The following SEPTIN3 variants were observed in gnomAD, a reference collection of about 807,000 sequenced individuals.
SEPTIN3 encodes the protein septin 3.
A neutral mutation model predicts 45.1 loss-of-function variants in SEPTIN3; 15 were observed. The observed-to-expected ratio is 0.33, with a 90% CI of 0.22 to 0.51. The LOEUF is 0.51. Ranked by LOEUF, SEPTIN3 falls within the 20% of genes least tolerant of loss-of-function variation. The pLI is 0.97. For missense variants in SEPTIN3, 289 were observed against 457.2 expected (o/e 0.63, Z 3.35); for synonymous variants, 148 against 164.8 (o/e 0.90, Z 0.78).
intron 2 of SEPTIN3, among the ~76,000 whole-genome samples, chr22:41,980,273 G>A (rs1164165366): frequency 2.0e-5 from 3 of 151,778 alleles, no homozygotes; most frequent in African/African-American, 7.3e-5. Context: ...GAGTAGCTAG[G>A]ATTACAGGCG....
At position 41,972,837 on chromosome 22, in the gene SEPTIN3, A is replaced by G; in HGVS notation, c.1345A>G (p.Lys449Glu). 2.5e-6 allele frequency: 1 copy of G among 399,192 alleles called. No individual in the cohort carries two copies. 24.7% of individuals were successfully genotyped at this position (399,192 alleles called of 1,614,324 possible). ...AGTAACCCCAGACCCAGCCACTGGG[A>G]AGACCACACTGGGCAGTGTTAATAA... ...VPVTPDPATG[K>E]TTLGSVNNLT... The change falls in exon 2 of 12, where the codon AAG (lysine) becomes GAG (glutamate). Residue 449 changes from lysine (K) to glutamate (E), a missense_variant. Physicochemically the swap from Lys to Glu is moderately conservative, Grantham distance 56. Coordinates refer to ENST00000644076, the MANE Select transcript of SEPTIN3 (RefSeq NM_001363845.2).
At chr22:41,985,437 T>C (rs2078189953) in intron 3 of SEPTIN3, among the ~76,000 whole-genome samples, 1 of 152,180 alleles carries the variant, frequency 6.6e-6, no homozygotes, top group African/African-American at 2.4e-5. Flanking sequence ...TTCCTGGTCT[T>C]GCATGTATTA....
chr22:41,970,063 C>T (rs989575786), intron 1 of SEPTIN3, among the ~76,000 whole-genome samples: 7 of 151,906 alleles, frequency 4.6e-5, no homozygotes, highest in South Asian at 2.1e-4. Flanking sequence ...CTTCCCTGTC[C>T]GGTGCCCTGC....
chr22:41,990,169 T>A (rs889972847), intron 7 of SEPTIN3, among the ~76,000 whole-genome samples: 11 of 151,630 alleles, frequency 7.3e-5, no homozygotes, highest in Admixed American at 1.3e-4. Flanking sequence ...GCCTCCTGAG[T>A]AGCTAGGACT....
At chr22:41,996,758 G>A (rs992901128) in intron 11 of SEPTIN3, 144 bp from the exon 12 acceptor site, 114 of 1,519,872 alleles carry the variant, frequency 7.5e-5, no homozygotes, top group Non-Finnish European at 9.7e-5. Context: ...CTATGGGCAT[G>A]GGAGGTGGGC....
In SEPTIN3 at chr22:41,981,664, G is replaced by A. The variant is rs190850900; in HGVS notation, c.1524G>A (p.Thr508=). ...CTGCAGGGCTCCCAGAGACCAGGACGGACGCAGCCATGTCAGAGCTGGTGC... is the reference window on the plus strand; with the variant it reads ...CTGCAGGGCTCCCAGAGACCAGGACAGACGCAGCCATGTCAGAGCTGGTGC... The part of the protein sequence containing the change: ...TEYKGLPETR[T]DAAMSELVPE... Residue 508 remains threonine (T), a synonymous_variant, in exon 3 of 12, where the codon ACG becomes ACA. Coordinates refer to ENST00000644076, the MANE Select transcript of SEPTIN3 (RefSeq NM_001363845.2). 8.7e-6 allele frequency: 14 copies of A among 1,613,278 alleles called. No homozygotes were observed. The highest frequency in any genetic ancestry group is 2.2e-5 in the East Asian group (1 of 44,872).
At chr22:41,989,231 C>T (rs533170246) in intron 6 of SEPTIN3, among the ~76,000 whole-genome samples, 32 of 151,378 alleles carry the variant, frequency 2.1e-4, no homozygotes, top group African/African-American at 7.3e-4. Context: ...AAGACACACA[C>T]GCACAAGGAC....
At position 41,981,702 on chromosome 22, in the gene SEPTIN3, C is replaced by T. The variant is rs749145994; in HGVS notation, c.1562C>T (p.Pro521Leu). Reference protein sequence around the residue: ...AMSELVPEPRPKPAVPMKPMS... With the variant: ...AMSELVPEPRLKPAVPMKPMS... ...TCAGAGCTGGTGCCTGAGCCCAGGC[C>T]TAAGCCAGCGGTGCCCATGAAGCCC... Residue 521 changes from proline (P) to leucine (L), a missense_variant, in exon 3 of 12, where the codon CCT (proline) becomes CTT (leucine). By Grantham distance (98) the Pro-to-Leu change is moderately conservative (BLOSUM62 -3). Transcript: ENST00000644076. 4 of 1,613,886 alleles carry T rather than the reference C, an allele frequency of 2.5e-6. No individual in the cohort carries two copies. Among genetic ancestry groups the T allele is most frequent in the Non-Finnish European group, 3.4e-6 (4 of 1,180,016 alleles).
rs959677099 is a variant in SEPTIN3, at chr22:41,994,885, G to C, written c.2505+171G>C. ...CTGGTATTTGTGGAGCATCTTGTCT[G>C]TGTGTGTGTGTGTGTGTGTGTGTGT... On this transcript the variant is annotated intron_variant, in intron 11 of 11. Transcript: ENST00000644076. This position sits in a 1 kb window ranked among gnomAD's most constrained non-coding sequence, Gnocchi z 4.2. The C allele has an allele frequency of 1.1e-4, 28 of 264,782 alleles. No individual in the cohort carries two copies. The highest frequency in any genetic ancestry group is 1.4e-4 in the Non-Finnish European group (24 of 176,570). The allele number at this position is 264,782 out of a possible 1,614,324, so 16.4% of individuals were successfully genotyped here. A position where few individuals can be genotyped will look rare whatever the true frequency, so the allele number is the denominator to read the frequency against.
At chr22:41,991,769 C>T in intron 8 of SEPTIN3, 101 bp downstream of exon 8, 1 of 864,520 alleles carries the variant, frequency 1.2e-6, no homozygotes, top group South Asian at 1.4e-5. Context: ...TCTGTACTCC[C>T]CCCAACCTTG....
chr22:41,970,888 C>T (rs984483427), intron 1 of SEPTIN3, among the ~76,000 whole-genome samples: 1 of 152,320 alleles, frequency 6.6e-6, no homozygotes, highest in African/African-American at 2.4e-5. Context: ...TTCTCCAGGG[C>T]TGGCTCTGTT....
At chr22:41,995,302 T>A in intron 11 of SEPTIN3, 1 of 991,370 alleles carries the variant, frequency 1.0e-6, no homozygotes. Flanking sequence ...AGGAAGGCCA[T>A]GAGAAGGCAG....
At chr22:41,990,289 C>CGTG (rs904780169) in intron 7 of SEPTIN3, among the ~76,000 whole-genome samples, 1 of 151,372 alleles carries the variant, frequency 6.6e-6, no homozygotes, top group African/African-American at 2.4e-5. Context: ...CTCCTGACCT[C>CGTG]GTGATCTGCC....
rs1745689003 is a variant in SEPTIN3 at position 41,987,221 on chromosome 22, G to A, written c.1841G>A (p.Gly614Asp). The change falls in exon 5 of 12, where the codon GGT becomes GAT. Residue 614 changes from glycine to aspartate, a missense_variant. Coordinates refer to ENST00000644076, the MANE Select transcript of SEPTIN3 (RefSeq NM_001363845.2). ...KAIGHVIEEG[G>D]VKMKLTVIDT... The stretch of plus-strand genomic sequence containing the variant: ...TCACCCCCAGTGATAGAGGAAGGCG[G>A]TGTCAAAATGAAGCTGACCGTCATC... 1 of 1,613,602 alleles carries A rather than the reference G, an allele frequency of 6.2e-7. No individual in the cohort carries two copies. The highest frequency in any genetic ancestry group is 8.5e-7 in the Non-Finnish European group (1 of 1,179,734).
intron 2 of SEPTIN3, among the ~76,000 whole-genome samples, chr22:41,978,777 G>T (rs755852086): frequency 1.3e-5 from 2 of 152,222 alleles, no homozygotes; most frequent in Non-Finnish European, 2.9e-5. Context: ...GGGATGGAAT[G>T]AATGAATGAG....
Position 41,997,053 on chromosome 22 carries a change from C to G in SEPTIN3, c.*86C>G. 6.2e-7 allele frequency: 1 copy of G among 1,601,142 alleles called. No individual in the cohort carries two copies. The highest frequency in any genetic ancestry group is 8.5e-7 in the Non-Finnish European group (1 of 1,174,260). ...AGCCCTTTTTAGTGCTGTGCTCGTC[C>G]AGCTCACCACCACAGCCCCTCTCAG... On this transcript the variant is annotated 3_prime_UTR_variant, in exon 12 of 12. Coordinates refer to ENST00000644076, the MANE Select transcript of SEPTIN3 (RefSeq NM_001363845.2).
In SEPTIN3 at chr22:41,994,439, C is replaced by T. The variant is rs2078387333; in HGVS notation, c.2411+98C>T. ...TCACCTCCTGCATCTCCAGGTCTCT[C>T]TGACAGAGCTTTCTGCCCCAGTTCC... is the stretch of plus-strand genomic sequence containing the variant. On this transcript the variant is annotated intron_variant, in intron 10 of 11. Transcript: ENST00000644076. The surrounding 1 kb of genome is among the most constrained non-coding windows in gnomAD (Gnocchi z 4.2). 2 of 1,508,822 alleles carry T rather than the reference C, an allele frequency of 1.3e-6. No individual in the cohort carries two copies. The highest frequency in any genetic ancestry group is 2.3e-5 in the South Asian group (2 of 87,562). 93.5% of individuals were successfully genotyped at this position (1,508,822 alleles called of 1,614,324 possible). A position where few individuals can be genotyped will look rare whatever the true frequency, so the allele number is the denominator to read the frequency against.
At chr22:41,979,526 A>G (rs1187680934) in intron 2 of SEPTIN3, among the ~76,000 whole-genome samples, 1 of 152,178 alleles carries the variant, frequency 6.6e-6, no homozygotes, top group Non-Finnish European at 1.5e-5. Context: ...GTCCCAGTGC[A>G]GGTGTGCTGA....
In SEPTIN3 at chr22:41,997,493, G is replaced by T. The variant is rs1920990743; in HGVS notation, c.*526G>T. 1 of 152,750 alleles carries T rather than the reference G, an allele frequency of 6.5e-6. No homozygotes were observed. Among genetic ancestry groups the T allele is most frequent in the South Asian group, 2.1e-4 (1 of 4,864 alleles). 9.5% of individuals were successfully genotyped at this position (152,750 alleles called of 1,614,324 possible). A position where few individuals can be genotyped will look rare whatever the true frequency, so the allele number is the denominator to read the frequency against. Reference sequence around the variant, plus strand: ...GTCACTACAGATGTTGGGGAGCAAGGGCTAGGATCACTTTTTAAAAAATCA... The same window carrying T: ...GTCACTACAGATGTTGGGGAGCAAGTGCTAGGATCACTTTTTAAAAAATCA... On this transcript the variant is annotated 3_prime_UTR_variant, in exon 12 of 12. Transcript: ENST00000644076.
Sources: allele counts gnomAD v4.1 joint callset (sites outside exome capture counted in the v4.1 genomes callset), GRCh38; gene constraint gnomAD v4.1.1; non-coding constraint Gnocchi (gnomAD v3.1); transcripts MANE v1.5; gene names NCBI Gene and HGNC (gene_info 2026-07-23, HGNC 2026-07-21).